Variants in ANAPC10 observed in about 807,000 individuals in gnomAD.
ANAPC10 encodes anaphase promoting complex subunit 10, also known as anaphase-promoting complex subunit 10.
In ANAPC10, 12 loss-of-function variants were observed where a neutral mutation model predicts 22.0. The ratio of observed to expected loss-of-function variants is 0.55; its 90% CI spans 0.35 to 0.88. The LOEUF (loss-of-function observed/expected upper bound fraction) is 0.88, where lower values mean the gene tolerates loss of function less well. Ranked by LOEUF, ANAPC10 falls within the 40% of genes least tolerant of loss-of-function variation. The pLI, the probability that ANAPC10 is intolerant of heterozygous loss-of-function variation, is 0.01. For synonymous variants in ANAPC10, 65 were observed against 69.5 expected (o/e 0.94, Z 0.32); for missense variants, 188 against 220.9 (o/e 0.85, Z 0.94).
chr4:144,995,754 CTT>C (rs1731515921), intron 4 of ANAPC10, 151 bp from the exon 5 acceptor site: 1 of 623,650 alleles, frequency 1.6e-6, no homozygotes, highest in Non-Finnish European at 2.7e-6. Context: ...TTATTGGACA[CTT>C]TTACCATGGT....
intron 4 of ANAPC10, among the ~76,000 whole-genome samples, chr4:145,027,684 G>A (rs1016625195): frequency 6.6e-5 from 10 of 152,154 alleles, no homozygotes; most frequent in African/African-American, 1.9e-4. Context: ...CAACATTTAC[G>A]CCAAAACTAT....
intron 4 of ANAPC10, among the ~76,000 whole-genome samples, chr4:145,041,879 A>G (rs1374613772): frequency 6.6e-6 from 1 of 152,242 alleles, no homozygotes; most frequent in Non-Finnish European, 1.5e-5. Flanking sequence ...TGAAATTCAG[A>G]GACAAACAAA....
At chr4:145,015,723 AG>A (rs1309805789) in intron 4 of ANAPC10, among the ~76,000 whole-genome samples, 3 of 152,190 alleles carry the variant, frequency 2.0e-5, no homozygotes, top group African/African-American at 7.2e-5. Context: ...TAAACCTATT[AG>A]ATTAACAGCA....
chr4:145,043,528 A>G (rs1431446082), intron 4 of ANAPC10, among the ~76,000 whole-genome samples: 2 of 152,100 alleles, frequency 1.3e-5, no homozygotes, highest in Non-Finnish European at 2.9e-5. Flanking sequence ...TGCTGAGAGA[A>G]CAGCTTTCAA....
Position 145,095,767 on chromosome 4 carries a change from T to C in ANAPC10, c.115+218A>G, listed in dbSNP as rs369942751. On this transcript the variant is annotated intron_variant, in intron 2 of 4. Transcript: ENST00000507656. ...GTTCTATTTTATTATTAATTATTGT[T>C]AATCTCTTACTGTGCCTAATTTATA... is the stretch of plus-strand genomic sequence containing the variant. 1.2e-4 allele frequency among the ~76,000 whole-genome samples: 18 copies of C among 152,344 alleles called. No individual in the cohort carries two copies. In the East Asian group the frequency reaches 1.9e-3, roughly 16 times the overall value.
intron 4 of ANAPC10, among the ~76,000 whole-genome samples, chr4:145,009,291 C>T (rs1344786737): frequency 6.6e-6 from 1 of 152,160 alleles, no homozygotes. Flanking sequence ...TCATCCCCAT[C>T]AAACTACCAA....
At chr4:145,076,567 T>G (rs1745228384) in intron 3 of ANAPC10, among the ~76,000 whole-genome samples, 1 of 152,158 alleles carries the variant, frequency 6.6e-6, no homozygotes, top group Non-Finnish European at 1.5e-5. Flanking sequence ...ATGAGCACAC[T>G]AGTTGCCCAG....
At chr4:145,036,994 A>ATGTGTGTGTGTG (rs1738640596) in intron 4 of ANAPC10, among the ~76,000 whole-genome samples, 1 of 104,666 alleles carries the variant, frequency 9.6e-6, no homozygotes, top group African/African-American at 3.7e-5. Flanking sequence ...CAAATAGATA[A>ATGTGTGTGTGTG]CGTGTGTGTG....
At chr4:145,057,342 A>G (rs1742208966) in intron 4 of ANAPC10, among the ~76,000 whole-genome samples, 1 of 152,204 alleles carries the variant, frequency 6.6e-6, no homozygotes, top group Non-Finnish European at 1.5e-5. Context: ...AAATACAGGA[A>G]GTGTTTCAGT....
chr4:144,998,210 T>A (rs900807376), intron 4 of ANAPC10, among the ~76,000 whole-genome samples: 1 of 152,140 alleles, frequency 6.6e-6, no homozygotes, highest in Admixed American at 6.5e-5. Flanking sequence ...GGAATTGAAC[T>A]CAGCTCTGCA....
chr4:145,006,111 C>T (rs1021854030), intron 4 of ANAPC10, among the ~76,000 whole-genome samples: 1 of 152,246 alleles, frequency 6.6e-6, no homozygotes, highest in South Asian at 2.1e-4. Context: ...TCTCTAAGAA[C>T]TTGCTTTATG....
In ANAPC10 at chr4:145,096,036, C is replaced by T; in HGVS notation, c.64G>A (p.Val22Ile). The T allele has an allele frequency of 6.2e-7, 1 of 1,614,152 alleles. No homozygotes were observed. The highest frequency in any genetic ancestry group is 8.5e-7 in the Non-Finnish European group (1 of 1,180,002). Residue 22 changes from valine (V) to isoleucine (I), a missense_variant, in exon 2 of 5, where the codon GTA becomes ATA. Transcript: ENST00000507656. Reference protein sequence around the residue: ...DPKQLERTGTVREIGSQAVWS... With the variant: ...DPKQLERTGTIREIGSQAVWS... Reference sequence around the variant, plus strand: ...ACAGCTTGTGACCCAATTTCCCGTACTGTTCCAGTCCTTTCCAACTGCTTG... The same window carrying T: ...ACAGCTTGTGACCCAATTTCCCGTATTGTTCCAGTCCTTTCCAACTGCTTG...
At chr4:145,028,737 C>A (rs1193094350) in intron 4 of ANAPC10, among the ~76,000 whole-genome samples, 2 of 152,266 alleles carry the variant, frequency 1.3e-5, no homozygotes, top group East Asian at 3.9e-4. Flanking sequence ...ACTTGATTCA[C>A]CACTCTTGAG....
chr4:145,080,621 G>A (rs1275635187), intron 3 of ANAPC10, among the ~76,000 whole-genome samples: 1 of 152,048 alleles, frequency 6.6e-6, no homozygotes, highest in East Asian at 1.9e-4. Flanking sequence ...TAAAATAGAT[G>A]GTATAGGCCA....
chr4:145,017,684 A>G (rs567887567), intron 4 of ANAPC10, among the ~76,000 whole-genome samples: 59 of 152,258 alleles, frequency 3.9e-4, no homozygotes, highest in African/African-American at 8.9e-4. Context: ...TGTTTATTGC[A>G]GCACTACTCA....
At position 145,059,718 on chromosome 4, in the gene ANAPC10, A is replaced by T. The variant is rs187406850; in HGVS notation, c.327+4854T>A. 2.3e-3 allele frequency among the ~76,000 whole-genome samples: 353 copies of T among 152,236 alleles called. 3 individuals are homozygous for T. Among genetic ancestry groups the T allele is most frequent in the African/African-American group, 7.7e-3 (320 of 41,580 alleles). ...TACAAAATATTCTACAATAATTTTT[A>T]AAAACAACAATAACTAGTTAGCAAA... On this transcript the variant is annotated intron_variant, in intron 4 of 4. Transcript: ENST00000507656.
intron 2 of ANAPC10, 41 bp from the exon 3 acceptor site, chr4:145,081,791 AAAC>A: frequency 7.3e-7 from 1 of 1,361,176 alleles, no homozygotes; most frequent in Non-Finnish European, 1.0e-6. Context: ...TGTGAAAAAG[AAAC>A]AACTATACAT....
intron 4 of ANAPC10, among the ~76,000 whole-genome samples, chr4:145,060,596 A>G (rs1054278059): frequency 6.6e-6 from 1 of 152,022 alleles, no homozygotes; most frequent in Non-Finnish European, 1.5e-5. Flanking sequence ...AGGAAAATCT[A>G]TTAAAACATT....
intron 4 of ANAPC10, among the ~76,000 whole-genome samples, chr4:145,008,052 A>G (rs1359924932): frequency 2.0e-5 from 3 of 152,186 alleles, no homozygotes; most frequent in Non-Finnish European, 4.4e-5. Context: ...AGAACACTAT[A>G]AACACCTCTA....
Sources: allele counts gnomAD v4.1 joint callset (sites outside exome capture counted in the v4.1 genomes callset), GRCh38; gene constraint gnomAD v4.1.1; transcripts MANE v1.5; gene names NCBI Gene and HGNC (gene_info 2026-07-23, HGNC 2026-07-21).